Variants in ACYP2 observed in about 807,000 individuals in gnomAD.
The protein encoded by ACYP2 is acylphosphatase 2, also known as acylphosphatase-2.
In ACYP2, 12 loss-of-function variants were observed where a neutral mutation model predicts 11.2. That is an observed-to-expected ratio of 1.08 (90% CI 0.69 to 1.74). ACYP2 has a LOEUF of 1.74. ACYP2 is among the 40% of genes most tolerant of loss of function. The pLI is 0.00. For missense variants in ACYP2, 134 were observed against 101.9 expected (o/e 1.31, Z -1.35); for synonymous variants, 43 against 32.2 (o/e 1.33, Z -1.13).
At chr2:53,987,454 G>A (rs1672091655) in intron 2 of ACYP2, among the ~76,000 whole-genome samples, 1 of 152,124 alleles carries the variant, frequency 6.6e-6, no homozygotes, top group African/African-American at 2.4e-5. Flanking sequence ...TCATCTACAG[G>A]TTTTTGTGTA....
intron 6 of ACYP2, among the ~76,000 whole-genome samples, chr2:54,243,918 G>GT (rs1051070680): frequency 1.3e-3 from 182 of 143,744 alleles, no homozygotes; most frequent in African/African-American, 1.4e-3. Flanking sequence ...AGTTGTTGCT[G>GT]TTTTTTTTTT....
At chr2:54,264,143 T>A (rs1303960194) in intron 6 of ACYP2, among the ~76,000 whole-genome samples, 1 of 152,114 alleles carries the variant, frequency 6.6e-6, no homozygotes, top group Non-Finnish European at 1.5e-5. Context: ...TTCAGAAGGG[T>A]CCGGAGTTTC....
At chr2:54,047,837 C>T (rs1215212260) in intron 2 of ACYP2, among the ~76,000 whole-genome samples, 1 of 151,790 alleles carries the variant, frequency 6.6e-6, no homozygotes, top group East Asian at 1.9e-4. Flanking sequence ...CAAAAGACCG[C>T]AGCTACCATA....
Position 54,126,478 on chromosome 2 carries a change from A to T in ACYP2, c.278-8975A>T, listed in dbSNP as rs370760641. 8.5e-5 allele frequency among the ~76,000 whole-genome samples: 13 copies of T among 152,266 alleles called. No individual in the cohort carries two copies. In the East Asian group the frequency reaches 1.9e-3, roughly 23 times the overall value. On this transcript the variant is annotated intron_variant, in intron 4 of 6. Coordinates refer to ENST00000607452, the MANE Select transcript of ACYP2 (RefSeq NM_001320586.2). The stretch of plus-strand genomic sequence containing the variant: ...AGGATGTCAAGAAATTTTATCTTTC[A>T]CAAATGTACGTATACAAAAAGGACA...
intron 6 of ACYP2, among the ~76,000 whole-genome samples, chr2:54,151,592 G>A (rs1682173413): frequency 6.6e-6 from 1 of 152,160 alleles, no homozygotes; most frequent in South Asian, 2.1e-4. Context: ...GAATAGTTTA[G>A]TCTAATTGAT....
chr2:54,249,644 C>A (rs1229271466), intron 6 of ACYP2, among the ~76,000 whole-genome samples: 1 of 151,966 alleles, frequency 6.6e-6, no homozygotes, highest in Non-Finnish European at 1.5e-5. Context: ...TCAAAACTTA[C>A]TAAAAAGACA....
chr2:54,023,767 C>A (rs1674125076), intron 2 of ACYP2, among the ~76,000 whole-genome samples: 1 of 152,038 alleles, frequency 6.6e-6, no homozygotes. Context: ...AAACTCTGAA[C>A]AGACCAATAA....
intron 4 of ACYP2, among the ~76,000 whole-genome samples, chr2:54,128,358 T>A (rs553186800): frequency 3.3e-5 from 5 of 151,864 alleles, no homozygotes; most frequent in African/African-American, 4.9e-5. Flanking sequence ...AGAAGTTCAC[T>A]GAGCTTTTCA....
intron 2 of ACYP2, among the ~76,000 whole-genome samples, chr2:54,027,837 CTT>C (rs34122179): frequency 0.014 from 1,380 of 97,854 alleles, 7 homozygotes; most frequent in African/African-American, 0.043. Flanking sequence ...TTCTTTCTTT[CTT>C]TTTTTTTTTT....
intron 6 of ACYP2, among the ~76,000 whole-genome samples, chr2:54,167,756 AAATACTT>A (rs1683055913): frequency 1.3e-5 from 2 of 152,216 alleles, no homozygotes. Context: ...AATTTTATTT[AAATACTT>A]TGGGCTTTTA....
intron 6 of ACYP2, among the ~76,000 whole-genome samples, chr2:54,274,336 T>C (rs1489901117): frequency 2.0e-5 from 3 of 151,726 alleles, no homozygotes; most frequent in African/African-American, 7.3e-5. Context: ...CACATGAGAG[T>C]TGTGGAGATG....
chr2:54,261,492 A>G (rs1408194126), intron 6 of ACYP2, among the ~76,000 whole-genome samples: 2 of 152,186 alleles, frequency 1.3e-5, no homozygotes, highest in Admixed American at 6.5e-5. Context: ...TCTGCACATC[A>G]CAGAATTGTA....
intron 6 of ACYP2, among the ~76,000 whole-genome samples, chr2:54,140,857 A>G (rs966299779): frequency 1.3e-5 from 2 of 152,128 alleles, no homozygotes; most frequent in Admixed American, 1.3e-4. Context: ...CAGGAGTGTG[A>G]TTTGTTGGTT....
intron 6 of ACYP2, among the ~76,000 whole-genome samples, chr2:54,293,064 A>G (rs1689377677): frequency 6.6e-6 from 1 of 152,188 alleles, no homozygotes; most frequent in South Asian, 2.1e-4. Flanking sequence ...TAAACACTTT[A>G]CAGATTATTT....
intron 6 of ACYP2, chr2:54,167,082 T>C (rs1683012179): frequency 6.6e-6 from 1 of 151,926 alleles, no homozygotes; most frequent in African/African-American, 2.4e-5. Flanking sequence ...ATAGGACCCT[T>C]CCTCATGACG....
chr2:54,226,446 C>T (rs1474886335), intron 6 of ACYP2, among the ~76,000 whole-genome samples: 1 of 151,370 alleles, frequency 6.6e-6, no homozygotes, highest in Non-Finnish European at 1.5e-5. Context: ...ACAGAACTTT[C>T]AATAATGTGT....
At chr2:54,018,083 G>A (rs1176761690) in intron 2 of ACYP2, among the ~76,000 whole-genome samples, 2 of 152,150 alleles carry the variant, frequency 1.3e-5, no homozygotes, top group Non-Finnish European at 2.9e-5. Context: ...AACGTGGGGA[G>A]ACGATGGACC....
intron 6 of ACYP2, among the ~76,000 whole-genome samples, chr2:54,273,510 G>T (rs1688408154): frequency 6.6e-6 from 1 of 152,098 alleles, no homozygotes; most frequent in African/African-American, 2.4e-5. Context: ...CTGTTGCCAG[G>T]CTGGAGTGCA....
chr2:53,985,258 A>G (rs1316910505), intron 2 of ACYP2, among the ~76,000 whole-genome samples: 2 of 151,842 alleles, frequency 1.3e-5, no homozygotes, highest in Admixed American at 6.6e-5. Flanking sequence ...TTTAATAGAG[A>G]CAGGGTTTCA....
Sources: allele counts gnomAD v4.1 joint callset (sites outside exome capture counted in the v4.1 genomes callset), GRCh38; gene constraint gnomAD v4.1.1; transcripts MANE v1.5; gene names NCBI Gene and HGNC (gene_info 2026-07-23, HGNC 2026-07-21).